LGI2: variants seen among roughly 807,000 people sequenced by gnomAD.
LGI2 encodes the protein leucine rich repeat LGI family member 2.
Under a neutral mutation model 52.0 loss-of-function variants are expected in LGI2, and 30 were observed. That is an observed-to-expected ratio of 0.58 (90% CI 0.43 to 0.78). The LOEUF (loss-of-function observed/expected upper bound fraction) is 0.78. Among genes scored for constraint, LGI2 ranks in the 30% least tolerant of loss-of-function variants. The probability of loss-of-function intolerance (pLI) is 0.00; values close to 1 mark genes in which losing one functional copy is unlikely to be tolerated. For synonymous variants in LGI2, 270 were observed against 271.8 expected, an observed-to-expected ratio of 0.99 and a Z score of 0.06; for missense variants, 573 against 692.5, an observed-to-expected ratio of 0.83 and a Z score of 1.94.
intron 4 of LGI2, among the ~76,000 whole-genome samples, chr4:25,022,353 G>A (rs1046949560): frequency 1.3e-5 from 2 of 152,214 alleles, no homozygotes; most frequent in Non-Finnish European, 1.5e-5. Context: ...AAGGATGTGA[G>A]GAAAAGCAGT....
At chr4:25,027,947 G>A (rs1380772583) in intron 2 of LGI2, among the ~76,000 whole-genome samples, 1 of 152,202 alleles carries the variant, frequency 6.6e-6, no homozygotes. Flanking sequence ...TTTGGCCCTG[G>A]ACTAGAATCT....
intron 1 of LGI2, among the ~76,000 whole-genome samples, chr4:25,028,929 T>C (rs1726240996): frequency 6.6e-6 from 1 of 152,212 alleles, no homozygotes; most frequent in Admixed American, 6.5e-5. Context: ...CATGATTCTG[T>C]TTGTGTAGAC....
chr4:25,030,726 CCCCACCGCCGCGCCGCGCGCTCGGA>C lies in LGI2; in HGVS notation c.-58_-34del. 8.6e-7 allele frequency: 1 copy of C among 1,165,702 alleles called. No homozygotes were observed. The highest frequency in any genetic ancestry group is 1.1e-6 in the Non-Finnish European group (1 of 944,558). The allele number at this position is 1,165,702 out of a possible 1,614,324, so 72.2% of individuals were successfully genotyped here. ...CCCCGCTCCCCGCCCGGGCCCCGAC[CCCCACCGCCGCGCCGCGCGCTCGGA>C]CCCGGCGCCGCTGCAGACGCGGGCG... On this transcript the variant is annotated 5_prime_UTR_variant, in exon 1 of 8. Transcript: ENST00000382114.
intron 1 of LGI2, among the ~76,000 whole-genome samples, chr4:25,028,940 A>G (rs1299781096): frequency 6.6e-6 from 1 of 152,164 alleles, no homozygotes; most frequent in Non-Finnish European, 1.5e-5. Context: ...TTGTGTAGAC[A>G]CAGCGTTGTG....
chr4:24,992,100 G>A, the LGI2 span, among the ~76,000 whole-genome samples: 2 of 152,162 alleles, frequency 1.3e-5, no homozygotes, highest in Non-Finnish European at 2.9e-5. Context: ...GAAGATTCAA[G>A]CTGCAGATTC....
chr4:25,027,660 T>C (rs1019650016), intron 2 of LGI2, among the ~76,000 whole-genome samples: 1 of 152,246 alleles, frequency 6.6e-6, no homozygotes, highest in African/African-American at 2.4e-5. Flanking sequence ...AGTGCTCTCC[T>C]ATATTCCATT....
chr4:25,023,238 A>G (rs1214386173), intron 4 of LGI2, among the ~76,000 whole-genome samples: 1 of 152,222 alleles, frequency 6.6e-6, no homozygotes, highest in Non-Finnish European at 1.5e-5. Flanking sequence ...TTAGACAGTT[A>G]AACAATATTA....
chr4:25,006,101 G>T (rs1350484303), intron 7 of LGI2, among the ~76,000 whole-genome samples: 1 of 152,206 alleles, frequency 6.6e-6, no homozygotes, highest in East Asian at 1.9e-4. Context: ...CTTAGTGCTT[G>T]CCCATAGTGG....
chr4:24,992,894 G>A, the LGI2 span, among the ~76,000 whole-genome samples: 1 of 152,128 alleles, frequency 6.6e-6, no homozygotes, highest in Admixed American at 6.5e-5. Flanking sequence ...ATCAGCACTT[G>A]GCACTTACAA....
Position 25,003,289 on chromosome 4 carries a change from C to T in LGI2, c.*162G>A. 1 of 556,614 alleles carries T rather than the reference C, an allele frequency of 1.8e-6. No homozygotes were observed. Among genetic ancestry groups the T allele is most frequent in the Non-Finnish European group, 3.1e-6 (1 of 323,334 alleles). The allele number at this position is 556,614 out of a possible 1,614,324, so 34.5% of individuals were successfully genotyped here. The stretch of plus-strand genomic sequence containing the variant: ...ATGCAGTTAGCCAATAAATGCAATC[C>T]CTGATTAAAATGTGAGTTCTAAAAG... On this transcript the variant is annotated 3_prime_UTR_variant, in exon 8 of 8. Transcript: ENST00000382114.
In LGI2 at chr4:25,004,188, G is replaced by C; in HGVS notation, c.901C>G (p.His301Asp). The C allele has an allele frequency of 6.2e-7, 1 of 1,614,176 alleles. No individual in the cohort carries two copies. Among genetic ancestry groups the C allele is most frequent in the African/African-American group, 1.3e-5 (1 of 75,036 alleles). Residue 301 changes from histidine to aspartate, a missense_variant, in exon 8 of 8, where the codon CAC (histidine) becomes GAC (aspartate). His to Asp is a moderately conservative substitution (Grantham distance 81, BLOSUM62 -1). Coordinates refer to ENST00000382114, the MANE Select transcript of LGI2 (RefSeq NM_018176.4). The surrounding 1 kb of genome is among the most constrained non-coding windows in gnomAD (Gnocchi z 4.6). ...CAACTCTCGTCGTATTTGTAAATGTGAGAGCCACCGAAGAGCTGGGCTACC... is the reference window on the plus strand; with the variant it reads ...CAACTCTCGTCGTATTTGTAAATGTCAGAGCCACCGAAGAGCTGGGCTACC... Reference protein sequence around the residue: ...VVVAQLFGGSHIYKYDESWTK... With the variant: ...VVVAQLFGGSDIYKYDESWTK...
chr4:25,024,930 T>TC, intron 3 of LGI2, 39 bp from the exon 4 acceptor site: 1 of 1,329,008 alleles, frequency 7.5e-7, no homozygotes, highest in Admixed American at 2.2e-5. Flanking sequence ...GAATTTTCTC[T>TC]CCTTAGTATC....
chr4:24,996,298 T>A (rs372802143), downstream of LGI2, among the ~76,000 whole-genome samples: 6 of 152,350 alleles, frequency 3.9e-5, no homozygotes, highest in East Asian at 1.2e-3. Context: ...CGCTTTTGTA[T>A]CTTTCTTAAG....
chr4:25,016,572 C>T (rs1725767285), intron 6 of LGI2, among the ~76,000 whole-genome samples: 1 of 152,274 alleles, frequency 6.6e-6, no homozygotes, highest in African/African-American at 2.4e-5. Flanking sequence ...AATTACACAG[C>T]TGAGTAAGCC....
At chr4:25,017,224 T>C (rs1427438547) in intron 6 of LGI2, among the ~76,000 whole-genome samples, 1 of 152,148 alleles carries the variant, frequency 6.6e-6, no homozygotes, top group Non-Finnish European at 1.5e-5. Context: ...TACATGGGAC[T>C]CTGAAAGTCA....
chr4:25,023,111 G>A (rs959439213), intron 4 of LGI2, among the ~76,000 whole-genome samples: 2 of 131,376 alleles, frequency 1.5e-5, no homozygotes, highest in African/African-American at 2.7e-5. Flanking sequence ...ATTATGCCTT[G>A]AGCATTTACC....
At chr4:25,010,967 A>G (rs1725562075) in intron 7 of LGI2, among the ~76,000 whole-genome samples, 1 of 152,016 alleles carries the variant, frequency 6.6e-6, no homozygotes, top group Non-Finnish European at 1.5e-5. Flanking sequence ...CTGTAGTCCC[A>G]GCTACTTGGG....
At chr4:25,016,309 A>G (rs1725755663) in intron 6 of LGI2, among the ~76,000 whole-genome samples, 1 of 152,236 alleles carries the variant, frequency 6.6e-6, no homozygotes, top group East Asian at 1.9e-4. Flanking sequence ...ACAAGGGAAA[A>G]TCTGCAAATT....
intron 6 of LGI2, among the ~76,000 whole-genome samples, chr4:25,016,951 A>G (rs1216062649): frequency 1.3e-5 from 2 of 152,230 alleles, no homozygotes; most frequent in Admixed American, 6.5e-5. Context: ...TAGAAGCTGT[A>G]GAAACCCCAC....
Sources: allele counts gnomAD v4.1 joint callset (sites outside exome capture counted in the v4.1 genomes callset), GRCh38; gene constraint gnomAD v4.1.1; non-coding constraint Gnocchi (gnomAD v3.1); transcripts MANE v1.5; gene names NCBI Gene and HGNC (gene_info 2026-07-23, HGNC 2026-07-21).